The following ADAM12 variants were observed in gnomAD, a reference collection of about 807,000 sequenced individuals.
ADAM12 encodes the protein disintegrin and metalloproteinase domain-containing protein 12.
A neutral mutation model predicts 106.4 loss-of-function variants in ADAM12; 70 were observed. That is an observed-to-expected ratio of 0.66 (90% CI 0.54 to 0.80). ADAM12 has a LOEUF of 0.80. ADAM12 is among the 30% of genes least tolerant of loss of function. The probability of loss-of-function intolerance (pLI) is 0.00; values close to 1 mark genes in which losing one functional copy is unlikely to be tolerated. For synonymous variants in ADAM12, 420 were observed against 433.5 expected, an observed-to-expected ratio of 0.97 and a Z score of 0.39; for missense variants, 1,010 against 1,171.9, an observed-to-expected ratio of 0.86 and a Z score of 2.02.
At chr10:126,145,358 C>T (rs1457331824) in intron 4 of ADAM12, 4 of 152,428 alleles carry the variant, frequency 2.6e-5, no homozygotes, top group Admixed American at 6.5e-5. Context: ...GAATGCTACC[C>T]GCTTCCCCAA....
chr10:126,241,321 T>C (rs1958519544), intron 3 of ADAM12, among the ~76,000 whole-genome samples: 1 of 152,184 alleles, frequency 6.6e-6, no homozygotes, highest in Non-Finnish European at 1.5e-5. Context: ...CTGTACAACA[T>C]TGTGAATATA....
chr10:126,248,769 G>A (rs1236155666), intron 3 of ADAM12, among the ~76,000 whole-genome samples: 1 of 151,794 alleles, frequency 6.6e-6, no homozygotes, highest in African/African-American at 2.4e-5. Context: ...GCAGTGGTGC[G>A]ACCTTGGCTC....
chr10:126,031,466 CTGAT>C (rs1953970479), intron 21 of ADAM12, among the ~76,000 whole-genome samples: 2 of 152,304 alleles, frequency 1.3e-5, no homozygotes, highest in African/African-American at 4.8e-5. Flanking sequence ...CAGCACCTGA[CTGAT>C]CTACAATCGT....
intron 5 of ADAM12, among the ~76,000 whole-genome samples, chr10:126,132,891 A>G (rs2133669828): frequency 6.6e-6 from 1 of 151,876 alleles, no homozygotes; most frequent in South Asian, 2.1e-4. Context: ...TCACCCCCTC[A>G]TCTCTGTCTC....
intron 1 of ADAM12, among the ~76,000 whole-genome samples, chr10:126,381,503 A>G (rs1856492693): frequency 6.6e-6 from 1 of 152,038 alleles, no homozygotes; most frequent in Non-Finnish European, 1.5e-5. Flanking sequence ...ATTTTTTAAA[A>G]AAAAACTTTT....
At chr10:126,174,333 G>A (rs944189691) in intron 3 of ADAM12, among the ~76,000 whole-genome samples, 4 of 151,722 alleles carry the variant, frequency 2.6e-5, no homozygotes, top group Non-Finnish European at 5.9e-5. Context: ...ATTCTCCTAC[G>A]CATCATGGCC....
At chr10:126,354,799 C>T (rs1413519188) in intron 1 of ADAM12, among the ~76,000 whole-genome samples, 2 of 117,006 alleles carry the variant, frequency 1.7e-5, no homozygotes, top group Middle Eastern at 4.6e-3. Flanking sequence ...GTAACCACTG[C>T]TAAAGTTTGT....
At chr10:126,258,177 G>A (rs1416773997) in intron 3 of ADAM12, among the ~76,000 whole-genome samples, 4 of 152,142 alleles carry the variant, frequency 2.6e-5, no homozygotes, top group African/African-American at 9.7e-5. Context: ...TTAAAATAAT[G>A]TAAGCATAAG....
Position 126,159,153 on chromosome 10 carries a change from CA to C in ADAM12, c.261-3849del, listed in dbSNP as rs1290109238. On this transcript the variant is annotated intron_variant, in intron 3 of 22. Coordinates refer to ENST00000448723, the MANE Select transcript of ADAM12 (RefSeq NM_001288973.2). ...TGAAACCCCGTCTCTACTAAAAATA[CA>C]AAAAAATTAGCCGGGCACGGTGGTG... 1.4e-4 allele frequency among the ~76,000 whole-genome samples: 21 copies of C among 151,654 alleles called. 1 individual carries two copies. Among genetic ancestry groups the C allele is most frequent in the Admixed American group, 3.9e-4 (6 of 15,224 alleles).
chr10:126,354,740 T>G (rs1855479236), intron 1 of ADAM12, among the ~76,000 whole-genome samples: 1 of 151,940 alleles, frequency 6.6e-6, no homozygotes, highest in Non-Finnish European at 1.5e-5. Context: ...TTGATAAAAA[T>G]CTAAGTCTTT....
intron 3 of ADAM12, among the ~76,000 whole-genome samples, chr10:126,239,712 T>G (rs1291576438): frequency 6.6e-6 from 1 of 152,252 alleles, no homozygotes; most frequent in East Asian, 1.9e-4. Context: ...TTGCAACTTT[T>G]TGATCACAAA....
At chr10:126,136,811 C>A (rs1488809531) in intron 4 of ADAM12, among the ~76,000 whole-genome samples, 16 of 152,136 alleles carry the variant, frequency 1.1e-4, no homozygotes. Context: ...TAAGGGGTTG[C>A]AGGGACATTT....
At chr10:126,070,257 T>G (rs927526650) in intron 12 of ADAM12, 2 of 152,202 alleles carry the variant, frequency 1.3e-5, no homozygotes, top group African/African-American at 4.8e-5. Flanking sequence ...CTGCTCATGG[T>G]GAGCAAAATT....
chr10:126,143,936 C>T (rs1321293269), intron 4 of ADAM12, among the ~76,000 whole-genome samples: 1 of 152,140 alleles, frequency 6.6e-6, no homozygotes, highest in East Asian at 1.9e-4. Context: ...CTTTGCAGCT[C>T]TGTGTGTTTC....
chr10:126,078,742 A>G (rs77283022), intron 11 of ADAM12, among the ~76,000 whole-genome samples: 21,111 of 152,024 alleles, frequency 0.14, 2,059 homozygotes, highest in African/African-American at 0.27. Context: ...GAACAATCCA[A>G]TGAAACAGTT....
At chr10:126,280,918 C>G (rs1305430674) in intron 2 of ADAM12, among the ~76,000 whole-genome samples, 1 of 152,084 alleles carries the variant, frequency 6.6e-6, no homozygotes, top group African/African-American at 2.4e-5. Flanking sequence ...CTGAGTGTTA[C>G]TCGACTTTGA....
intron 3 of ADAM12, among the ~76,000 whole-genome samples, chr10:126,163,596 G>A (rs923055891): frequency 2.6e-5 from 4 of 152,092 alleles, no homozygotes; most frequent in African/African-American, 9.7e-5. Flanking sequence ...ATATAATTTA[G>A]TTACACAGTT....
intron 21 of ADAM12, among the ~76,000 whole-genome samples, chr10:126,032,392 A>C (rs1564998013): frequency 6.6e-6 from 1 of 152,212 alleles, no homozygotes; most frequent in Admixed American, 6.5e-5. Context: ...AAAGTTCCAG[A>C]CAGACACCAG....
intron 2 of ADAM12, among the ~76,000 whole-genome samples, chr10:126,329,804 T>C (rs1854436538): frequency 6.6e-6 from 1 of 152,202 alleles, no homozygotes; most frequent in Non-Finnish European, 1.5e-5. Context: ...TATGATCTCT[T>C]CAAAGAGCTC....
Sources: gnomAD v4.1 joint callset for allele counts (sites outside exome capture counted in the v4.1 genomes callset) on GRCh38, gnomAD v4.1.1 for gene constraint, MANE v1.5 for transcripts, NCBI Gene and HGNC (gene_info 2026-07-23, HGNC 2026-07-21) for gene names.